Variants in SPAG16 observed in about 807,000 individuals in gnomAD.
The protein encoded by SPAG16 is sperm associated antigen 16.
SPAG16 carries 86 observed loss-of-function variants against 80.4 expected under a neutral mutation model. The observed-to-expected ratio is 1.07, with a 90% CI of 0.90 to 1.28. The LOEUF is 1.28. Ranked by LOEUF, SPAG16 falls within the 50% of genes most tolerant of loss-of-function variation. The pLI, the probability that SPAG16 is intolerant of heterozygous loss-of-function variation, is 0.00. For synonymous variants in SPAG16, 294 were observed against 265.9 expected (o/e 1.11, Z -1.03); for missense variants, 870 against 765.3 (o/e 1.14, Z -1.61).
chr2:214,181,182 G>A (rs2057296893), intron 15 of SPAG16, among the ~76,000 whole-genome samples: 1 of 151,828 alleles, frequency 6.6e-6, no homozygotes. Flanking sequence ...AGAAGAAAGA[G>A]AAGCAATAAA....
chr2:213,755,931 C>T (rs2068305927), intron 10 of SPAG16, among the ~76,000 whole-genome samples: 1 of 152,174 alleles, frequency 6.6e-6, no homozygotes, highest in South Asian at 2.1e-4. Context: ...CCTGTGGCTG[C>T]ATTTAACCAT....
intron 15 of SPAG16, among the ~76,000 whole-genome samples, chr2:214,235,075 T>C (rs920631475): frequency 1.3e-5 from 2 of 152,176 alleles, no homozygotes; most frequent in Non-Finnish European, 2.9e-5. Context: ...GATTTTGCAT[T>C]TAAGTGACAC....
rs146687507 is a variant in SPAG16, at chr2:214,086,396, C to T, written c.1528-21800C>T. Among the ~76,000 whole-genome samples, 270 of 152,138 alleles carry T rather than the reference C, an allele frequency of 1.8e-3. 2 individuals are homozygous for T. The highest frequency in any genetic ancestry group is 0.013 in the East Asian group (65 of 5,170). On this transcript the variant is annotated intron_variant, in intron 13 of 15. Coordinates refer to ENST00000331683, the MANE Select transcript of SPAG16 (RefSeq NM_024532.5). ...TGCTGATATGGTCTGGCTCTGTGTCCCCATGCAAATCTCATCATGAATTGT... is the reference window on the plus strand; with the variant it reads ...TGCTGATATGGTCTGGCTCTGTGTCTCCATGCAAATCTCATCATGAATTGT...
chr2:213,864,496 C>T (rs1213148744), intron 11 of SPAG16, among the ~76,000 whole-genome samples: 1 of 152,000 alleles, frequency 6.6e-6, no homozygotes, highest in Non-Finnish European at 1.5e-5. Context: ...CAGCTCTGGG[C>T]TCTGGTTGAT....
intron 6 of SPAG16, among the ~76,000 whole-genome samples, chr2:213,346,082 G>C (rs1389286794): frequency 1.3e-5 from 2 of 152,210 alleles, no homozygotes; most frequent in East Asian, 3.9e-4. Flanking sequence ...AGTTCTCCTT[G>C]AAGAGGTCCT....
At chr2:214,125,523 T>A (rs1405885244) in intron 14 of SPAG16, among the ~76,000 whole-genome samples, 1 of 151,434 alleles carries the variant, frequency 6.6e-6, no homozygotes, top group African/African-American at 2.4e-5. Flanking sequence ...TGAAAAAAAA[T>A]GTAGAATTTC....
intron 15 of SPAG16, among the ~76,000 whole-genome samples, chr2:214,193,431 G>GTGTGTGTGT (rs777734652): frequency 4.5e-4 from 39 of 86,136 alleles, no homozygotes; most frequent in Non-Finnish European, 1.1e-3. Flanking sequence ...GTGTATGAGA[G>GTGTGTGTGT]AGAGAGAGAG....
chr2:213,742,212 T>G (rs1158809432), intron 10 of SPAG16, among the ~76,000 whole-genome samples: 1 of 152,116 alleles, frequency 6.6e-6, no homozygotes, highest in Non-Finnish European at 1.5e-5. Flanking sequence ...CCCTAAGAAT[T>G]TTGGAACTTA....
At chr2:213,336,868 G>A (rs1162561049) in intron 5 of SPAG16, among the ~76,000 whole-genome samples, 1 of 152,160 alleles carries the variant, frequency 6.6e-6, no homozygotes, top group African/African-American at 2.4e-5. Context: ...CCACCAAGGG[G>A]CAGCCAGACT....
chr2:213,481,181 A>G (rs545900280), intron 9 of SPAG16, among the ~76,000 whole-genome samples: 1 of 152,302 alleles, frequency 6.6e-6, no homozygotes, highest in South Asian at 2.1e-4. Flanking sequence ...TTTATTTTAA[A>G]TAAAAATTAT....
intron 15 of SPAG16, among the ~76,000 whole-genome samples, chr2:214,310,384 C>G (rs1485203555): frequency 6.6e-6 from 1 of 152,128 alleles, no homozygotes; most frequent in Non-Finnish European, 1.5e-5. Context: ...GCATATGAGC[C>G]AATTCACTCT....
At chr2:214,296,978 T>C (rs1367062720) in intron 15 of SPAG16, among the ~76,000 whole-genome samples, 1 of 152,220 alleles carries the variant, frequency 6.6e-6, no homozygotes, top group Non-Finnish European at 1.5e-5. Flanking sequence ...CCCCTTCACT[T>C]TCTGCCATGA....
At chr2:214,097,726 A>G (rs569811831) in intron 13 of SPAG16, among the ~76,000 whole-genome samples, 4 of 152,112 alleles carry the variant, frequency 2.6e-5, no homozygotes, top group African/African-American at 9.6e-5. Context: ...CCCACGTGCT[A>G]ATTCATCGTT....
intron 7 of SPAG16, among the ~76,000 whole-genome samples, chr2:213,352,542 C>G (rs189483938): frequency 6.6e-6 from 1 of 152,102 alleles, no homozygotes; most frequent in Non-Finnish European, 1.5e-5. Context: ...TCAAGTTGCT[C>G]CTTGATGGTT....
intron 13 of SPAG16, among the ~76,000 whole-genome samples, chr2:214,029,243 G>A (rs1311526691): frequency 2.6e-5 from 4 of 152,006 alleles, no homozygotes; most frequent in African/African-American, 9.7e-5. Flanking sequence ...TAATGTGCCT[G>A]GTATGTGTTT....
intron 10 of SPAG16, among the ~76,000 whole-genome samples, chr2:213,630,944 G>A (rs991785012): frequency 1.3e-5 from 2 of 152,184 alleles, no homozygotes; most frequent in Non-Finnish European, 2.9e-5. Flanking sequence ...TTGAGATGGG[G>A]TTGTTGTGGT....
chr2:213,736,263 A>T (rs2067276502), intron 10 of SPAG16, among the ~76,000 whole-genome samples: 1 of 152,118 alleles, frequency 6.6e-6, no homozygotes, highest in Non-Finnish European at 1.5e-5. Flanking sequence ...GATGACATCA[A>T]TTCTTGAGTT....
intron 15 of SPAG16, among the ~76,000 whole-genome samples, chr2:214,320,738 T>C (rs1241584610): frequency 6.6e-6 from 1 of 152,172 alleles, no homozygotes; most frequent in Non-Finnish European, 1.5e-5. Context: ...TGGGGGAAAC[T>C]GCACCCATGA....
intron 15 of SPAG16, among the ~76,000 whole-genome samples, chr2:214,247,856 A>G (rs1263173690): frequency 6.6e-6 from 1 of 152,030 alleles, no homozygotes; most frequent in Non-Finnish European, 1.5e-5. Context: ...ACAGAGTGAG[A>G]CCCTGTCTCT....
Sources: gnomAD v4.1 joint callset for allele counts (sites outside exome capture counted in the v4.1 genomes callset) on GRCh38, gnomAD v4.1.1 for gene constraint, MANE v1.5 for transcripts, NCBI Gene and HGNC (gene_info 2026-07-23, HGNC 2026-07-21) for gene names.